The following ARFGEF2 variants were observed in gnomAD, a reference collection of about 807,000 sequenced individuals.
The protein encoded by ARFGEF2 is brefeldin A-inhibited guanine nucleotide-exchange protein 2.
ARFGEF2 carries 74 observed loss-of-function variants against 219.9 expected under a neutral mutation model. The ratio of observed to expected loss-of-function variants is 0.34; its 90% CI spans 0.28 to 0.41. The LOEUF is 0.41. ARFGEF2 is among the 10% of genes least tolerant of loss of function. The pLI is 1.00. For missense variants in ARFGEF2, 1,743 were observed against 2,218.3 expected (o/e 0.79, Z 4.30); for synonymous variants, 733 against 799.2 (o/e 0.92, Z 1.40).
At chr20:49,004,510 G>C (rs1568732482) in intron 25 of ARFGEF2, among the ~76,000 whole-genome samples, 5 of 151,600 alleles carry the variant, frequency 3.3e-5, no homozygotes, top group African/African-American at 1.2e-4. Flanking sequence ...AAAAAGAAAA[G>C]AAAAAAATAG....
rs565751712 is a variant in ARFGEF2, at chr20:48,946,646, C to T, written c.276+4659C>T. Among the ~76,000 whole-genome samples, 92 of 152,150 alleles carry T rather than the reference C, an allele frequency of 6.0e-4. 1 individual carries two copies. The highest frequency in any genetic ancestry group is 2.2e-3 in the African/African-American group (91 of 41,520). ...GCTCAGGTGATCCTCCCATCTCAGCCTCCCAAGTAGCTGGGACCACGGGCT... is the reference window on the plus strand; with the variant it reads ...GCTCAGGTGATCCTCCCATCTCAGCTTCCCAAGTAGCTGGGACCACGGGCT... On this transcript the variant is annotated intron_variant, in intron 3 of 38. Coordinates refer to ENST00000371917, the MANE Select transcript of ARFGEF2 (RefSeq NM_006420.3).
intron 1 of ARFGEF2, among the ~76,000 whole-genome samples, chr20:48,938,998 A>T: frequency 7.4e-6 from 1 of 134,396 alleles, no homozygotes; most frequent in African/African-American, 2.8e-5. Context: ...TTTTTTTGAG[A>T]AAGTCTCACT....
intron 3 of ARFGEF2, 99 bp from the exon 4 acceptor site, chr20:48,951,224 G>C (rs2091068939): frequency 6.9e-7 from 1 of 1,445,514 alleles, no homozygotes; most frequent in African/African-American, 1.4e-5. Context: ...GGACTCTGTA[G>C]GAACTGGAAG....
intron 14 of ARFGEF2, among the ~76,000 whole-genome samples, chr20:48,978,009 T>C (rs1216228465): frequency 6.6e-6 from 1 of 152,238 alleles, no homozygotes; most frequent in Non-Finnish European, 1.5e-5. Flanking sequence ...ATTTTGGCTT[T>C]TGTTGCCATT....
At chr20:48,938,335 T>C (rs2090972881) in intron 1 of ARFGEF2, among the ~76,000 whole-genome samples, 1 of 152,212 alleles carries the variant, frequency 6.6e-6, no homozygotes, top group South Asian at 2.1e-4. Context: ...AAGCACTTTC[T>C]CCTCGGCTCT....
At chr20:48,946,819 A>G (rs1466500288) in intron 3 of ARFGEF2, among the ~76,000 whole-genome samples, 2 of 151,362 alleles carry the variant, frequency 1.3e-5, no homozygotes, top group South Asian at 2.1e-4. Flanking sequence ...GGTTTTTTTT[A>G]GAGACAGGGT....
chr20:48,942,124 C>A, intron 3 of ARFGEF2, 137 bp downstream of exon 3: 1 of 1,227,786 alleles, frequency 8.1e-7, no homozygotes, highest in South Asian at 1.3e-5. Flanking sequence ...TTAACGTATT[C>A]TTTTTGGAGA....
intron 21 of ARFGEF2, among the ~76,000 whole-genome samples, chr20:48,993,471 A>C (rs73909768): frequency 1.3e-5 from 2 of 152,224 alleles, no homozygotes; most frequent in African/African-American, 4.8e-5. Context: ...AGAAGAAAGC[A>C]ATTTATAAGT....
chr20:49,016,533 G>A, intron 31 of ARFGEF2, 118 bp downstream of exon 31: 1 of 1,179,476 alleles, frequency 8.5e-7, no homozygotes, highest in African/African-American at 1.5e-5. Flanking sequence ...AATTTAGTTG[G>A]TGAAATGTAT....
chr20:48,964,083 C>T (rs1348750163), intron 7 of ARFGEF2, among the ~76,000 whole-genome samples, 185 bp downstream of exon 7: 1 of 152,182 alleles, frequency 6.6e-6, no homozygotes, highest in Non-Finnish European at 1.5e-5. Flanking sequence ...TTTTTACTGA[C>T]TGATTTTAGT....
intron 8 of ARFGEF2, among the ~76,000 whole-genome samples, 200 bp downstream of exon 8, chr20:48,966,223 A>G (rs1343271958): frequency 2.0e-5 from 3 of 152,208 alleles, no homozygotes. Flanking sequence ...ATATAACATC[A>G]TTATTAAACC....
At position 49,028,652 on chromosome 20, in the gene ARFGEF2, C is replaced by T. The variant is rs776392250; in HGVS notation, c.5047C>T (p.Gln1683Ter). 1.2e-6 allele frequency: 2 copies of T among 1,614,194 alleles called. No homozygotes were observed. The highest frequency in any genetic ancestry group is 1.7e-6 in the Non-Finnish European group (2 of 1,180,022). The change falls in exon 37 of 39, where the codon CAG (glutamine) becomes TAG (stop). Residue 1683 changes from glutamine to a stop codon, truncating the protein, a stop_gained. Transcript: ENST00000371917. LOFTEE classifies it high-confidence loss of function. ...CCGCAGGGATTCCTGGGAAGAAATA[C>T]AGCAGAGACTTTTAACGTAAGAAAA... ...ENRRDSWEEI[Q>*]QRLLTVCSEA...
chr20:49,007,248 T>C (rs1568734180), intron 26 of ARFGEF2, among the ~76,000 whole-genome samples: 1 of 151,842 alleles, frequency 6.6e-6, no homozygotes, highest in Non-Finnish European at 1.5e-5. Context: ...ATTCCTCTTG[T>C]CTGCTATTCC....
intron 16 of ARFGEF2, 48 bp from the exon 17 acceptor site, chr20:48,988,256 C>A: frequency 1.4e-6 from 2 of 1,404,378 alleles, no homozygotes; most frequent in Non-Finnish European, 2.0e-6. Context: ...ATTGTACCTT[C>A]CAAACCGCAT....
At position 48,953,574 on chromosome 20, in the gene ARFGEF2, C is replaced by G; in HGVS notation, c.622C>G (p.Leu208Val). 1 of 1,614,102 alleles carries G rather than the reference C, an allele frequency of 6.2e-7. No individual in the cohort carries two copies. The highest frequency in any genetic ancestry group is 8.5e-7 in the Non-Finnish European group (1 of 1,180,012). The change falls in exon 6 of 39, where the codon CTG (leucine) becomes GTG (valine). Residue 208 changes from leucine (L) to valine (V), a missense_variant. Physicochemically the swap from Leu to Val is conservative, Grantham distance 32. This residue lies in a region of ARFGEF2 where 394 missense variants were observed against 426.6 expected (regional missense o/e 0.92). Coordinates refer to ENST00000371917, the MANE Select transcript of ARFGEF2 (RefSeq NM_006420.3). Reference sequence around the variant, plus strand: ...CTTTTAGTTGCAGGAGGCCAGAGAACTGGAAAAACCAATCCAGTCAAAACC... The same window carrying G: ...CTTTTAGTTGCAGGAGGCCAGAGAAGTGGAAAAACCAATCCAGTCAAAACC... ...ENQVLQEARELEKPIQSKPQS... is the reference protein window; with the variant it reads ...ENQVLQEAREVEKPIQSKPQS...
chr20:49,025,531 A>C, intron 36 of ARFGEF2, 50 bp downstream of exon 36: 7 of 1,608,194 alleles, frequency 4.4e-6, no homozygotes, highest in Non-Finnish European at 6.0e-6. Flanking sequence ...TCACCTTCCT[A>C]AAACATTAAA....
At position 49,016,332 on chromosome 20, in the gene ARFGEF2, A is replaced by G. The variant is rs770711126; in HGVS notation, c.4232A>G (p.Asp1411Gly). Residue 1411 changes from aspartate to glycine, a missense_variant, in exon 31 of 39, where the codon GAT (aspartate) becomes GGT (glycine). Physicochemically the swap from Asp to Gly is moderately conservative, Grantham distance 94 (BLOSUM62 -1). Coordinates refer to ENST00000371917, the MANE Select transcript of ARFGEF2 (RefSeq NM_006420.3). ...TCNHALYAIC[D>G]VFTQFYEALN... ...AATCACGCACTTTATGCTATTTGTG[A>G]TGTTTTTACCCAGTTTTATGAAGCT... 7 of 1,613,866 alleles carry G rather than the reference A, an allele frequency of 4.3e-6. No homozygotes were observed. The highest frequency in any genetic ancestry group is 1.3e-5 in the African/African-American group (1 of 74,888).
intron 1 of ARFGEF2, among the ~76,000 whole-genome samples, chr20:48,932,252 C>T (rs1363571225): frequency 6.6e-6 from 1 of 152,106 alleles, no homozygotes; most frequent in African/African-American, 2.4e-5. Flanking sequence ...GAGGGAGTCT[C>T]CTTGTGCCCA....
intron 6 of ARFGEF2, among the ~76,000 whole-genome samples, chr20:48,963,213 G>A (rs1299676605): frequency 1.4e-5 from 2 of 145,392 alleles, no homozygotes; most frequent in African/African-American, 5.4e-5. Flanking sequence ...CTAAATATCT[G>A]GTCAAGAACT....
Sources: allele counts gnomAD v4.1 joint callset (sites outside exome capture counted in the v4.1 genomes callset), GRCh38; gene constraint gnomAD v4.1.1; regional missense constraint gnomAD v4.1.1; transcripts MANE v1.5; gene names NCBI Gene and HGNC (gene_info 2026-07-23, HGNC 2026-07-21).